NOP2: variants seen among roughly 807,000 people sequenced by gnomAD.
The protein encoded by NOP2 is 28S rRNA (cytosine(4447)-C(5))-methyltransferase.
In NOP2, 7 loss-of-function variants were observed where a neutral mutation model predicts 72.7. The ratio of observed to expected loss-of-function variants is 0.10; its 90% confidence interval spans 0.05 to 0.18. NOP2 has a LOEUF of 0.18. Among genes scored for constraint, NOP2 ranks in the 10% least tolerant of loss-of-function variants. NOP2 has a pLI of 1.00. For synonymous variants in NOP2, 387 were observed against 388.0 expected, an observed-to-expected ratio of 1.00 and a Z score of 0.03; for missense variants, 954 against 1,014.7, an observed-to-expected ratio of 0.94 and a Z score of 0.81.
intron 5 of NOP2, among the ~76,000 whole-genome samples, chr12:6,565,779 G>A (rs1947765258): frequency 6.6e-6 from 1 of 152,118 alleles, no homozygotes; most frequent in South Asian, 2.1e-4. Flanking sequence ...CCAGCCAAAA[G>A]GAACAAATTT....
In NOP2 at chr12:6,561,706, G is replaced by A; in HGVS notation, c.1165C>T (p.Leu389=). The A allele has an allele frequency of 6.2e-7, 1 of 1,613,738 alleles. No individual in the cohort carries two copies. Among genetic ancestry groups the A allele is most frequent in the South Asian group, 1.1e-5 (1 of 91,020 alleles). The change falls in exon 11 of 16, where the codon CTG becomes TTG. Residue 389 remains leucine (L), a synonymous_variant. Transcript: ENST00000322166. ...CCTCCAGGGGCACAACACATGTCCA[G>A]GATCCGCTCATGTTCCTGGGGTGCC... ...ALAPQEHERI[L]DMCCAPGGKT...
At position 6,556,885 on chromosome 12, in the gene NOP2, T is replaced by C. The variant is rs1947488298; in HGVS notation, c.*108A>G. On this transcript the variant is annotated 3_prime_UTR_variant, in exon 16 of 16. Coordinates refer to ENST00000322166, the MANE Select transcript of NOP2 (RefSeq NM_001258308.2). ...TACTCAGTGGCCAGAGGTTTTAAAATGTGTATTAAATTTCATGGGTATGCA... is the reference window on the plus strand; with the variant it reads ...TACTCAGTGGCCAGAGGTTTTAAAACGTGTATTAAATTTCATGGGTATGCA... 1.5e-6 allele frequency: 2 copies of C among 1,311,244 alleles called. No homozygotes were observed. The highest frequency in any genetic ancestry group is 1.4e-5 in the South Asian group (1 of 73,844). 81.2% of individuals were successfully genotyped at this position (1,311,244 alleles called of 1,614,324 possible).
In NOP2 at chr12:6,566,551, T is replaced by C; in HGVS notation, c.216A>G (p.Pro72=). The C allele has an allele frequency of 6.2e-7, 1 of 1,613,952 alleles. No individual in the cohort carries two copies. The highest frequency in any genetic ancestry group is 8.5e-7 in the Non-Finnish European group (1 of 1,179,854). The part of the protein sequence containing the change: ...PKTNKSPEAK[P]LPGKLPKGIS... Reference sequence around the variant, plus strand: ...GACCTTTTGGTAGCTTTCCAGGCAATGGTTTGGCCTCAGGAGACTTATTTG... The same window carrying C: ...GACCTTTTGGTAGCTTTCCAGGCAACGGTTTGGCCTCAGGAGACTTATTTG... Residue 72 remains proline (P), a synonymous_variant, in exon 4 of 16, where the codon CCA becomes CCG. Transcript: ENST00000322166.
At position 6,563,119 on chromosome 12, in the gene NOP2, T is replaced by C. The variant is rs777107928; in HGVS notation, c.940A>G (p.Thr314Ala). The C allele has an allele frequency of 6.3e-7, 1 of 1,597,782 alleles. No individual in the cohort carries two copies. The highest frequency in any genetic ancestry group is 1.1e-5 in the South Asian group (1 of 87,968). Residue 314 changes from threonine (T) to alanine (A), a missense_variant, in exon 9 of 16, where the codon ACC becomes GCC. By Grantham distance (58) the Thr-to-Ala change is moderately conservative. Coordinates refer to ENST00000322166, the MANE Select transcript of NOP2 (RefSeq NM_001258308.2). ...CGGCGTCGGGTTTTCAAGGTATTGG[T>C]CCGGAGGGTGACGGGCCGAGGCACC... The part of the protein sequence containing the change: ...NEVPRPVTLR[T>A]NTLKTRRRDL...
rs1947787870 is a variant in NOP2, at chr12:6,566,698, TGA to T, written c.149+77_149+78del. ...CTGCCATTTCCACCATAGGGAAATG[TGA>T]GAGTCTAGAATTAACTCTGTGGTCA... On this transcript the variant is annotated intron_variant, in intron 3 of 15. Transcript: ENST00000322166. The T allele has an allele frequency of 4.5e-5, 72 of 1,583,808 alleles. No individual in the cohort carries two copies. The South Asian group carries it at 6.1e-4, about 13-fold the overall frequency.
chr12:6,565,061 T>C (rs1245827679), intron 5 of NOP2, among the ~76,000 whole-genome samples: 2 of 152,200 alleles, frequency 1.3e-5, no homozygotes, highest in African/African-American at 4.8e-5. Flanking sequence ...ACACTAATTG[T>C]ATAATAACTT....
At position 6,563,296 on chromosome 12, in the gene NOP2, C is replaced by G. The variant is rs199564623; in HGVS notation, c.888+19G>C. Reference sequence around the variant, plus strand: ...GGCGAGAAAAGAAAAGCAAAAGAGGCATTCTGGCAATCCAGTACCTCAGAC... The same window carrying G: ...GGCGAGAAAAGAAAAGCAAAAGAGGGATTCTGGCAATCCAGTACCTCAGAC... On this transcript the variant is annotated intron_variant, in intron 8 of 15. Coordinates refer to ENST00000322166, the MANE Select transcript of NOP2 (RefSeq NM_001258308.2). The G allele has an allele frequency of 6.4e-7, 1 of 1,573,192 alleles. No homozygotes were observed. The highest frequency in any genetic ancestry group is 8.6e-7 in the Non-Finnish European group (1 of 1,158,762).
rs749510325 is a variant in NOP2 at position 6,563,292 on chromosome 12, G to A, written c.888+23C>T. 4.5e-6 allele frequency: 7 copies of A among 1,570,492 alleles called. No individual in the cohort carries two copies. In the South Asian group the frequency reaches 4.7e-5, roughly 10 times the overall value. On this transcript the variant is annotated intron_variant, in intron 8 of 15. Transcript: ENST00000322166. The stretch of plus-strand genomic sequence containing the variant: ...AGGAGGCGAGAAAAGAAAAGCAAAA[G>A]AGGCATTCTGGCAATCCAGTACCTC...
intron 9 of NOP2, among the ~76,000 whole-genome samples, chr12:6,562,265 C>T (rs376197111): frequency 4.1e-4 from 62 of 152,184 alleles, no homozygotes; most frequent in African/African-American, 1.5e-3. Flanking sequence ...GCTGGGATTA[C>T]AGGCGTTGAG....
Position 6,557,038 on chromosome 12 carries a change from C to T in NOP2, c.2394G>A (p.Arg798=), listed in dbSNP as rs760843199. The T allele has an allele frequency of 5.0e-6, 8 of 1,613,980 alleles. No homozygotes were observed. Among genetic ancestry groups the T allele is most frequent in the Middle Eastern group, 1.6e-4 (1 of 6,062 alleles). ...TGTTGCCCCTGGACTGAGATTTCTT[C>T]CTCTTTGCTGGTGGGGGGCGGCTGG... ...IRSSRPPPAK[R]KKSQSRGNSQ... The change falls in exon 16 of 16, where the codon AGG becomes AGA. Residue 798 remains arginine (R), a synonymous_variant. Transcript: ENST00000322166.
chr12:6,561,344 T>G (rs747670994), intron 11 of NOP2, among the ~76,000 whole-genome samples: 16 of 152,260 alleles, frequency 1.1e-4, no homozygotes, highest in Non-Finnish European at 2.1e-4. Context: ...ATAAAAGTTA[T>G]GGCTGCTGAC....
In NOP2 at chr12:6,561,952, A is replaced by G; in HGVS notation, c.998T>C (p.Val333Ala). The G allele has an allele frequency of 6.2e-7, 1 of 1,609,494 alleles. No homozygotes were observed. The highest frequency in any genetic ancestry group is 8.5e-7 in the Non-Finnish European group (1 of 1,177,768). Residue 333 changes from valine (V) to alanine (A), a missense_variant, in exon 10 of 16, where the codon GTT becomes GCT. Around this residue, in one of 3 missense-constraint regions of NOP2, gnomAD observed 498 missense variants for 478.3 expected, o/e 1.04. Coordinates refer to ENST00000322166, the MANE Select transcript of NOP2 (RefSeq NM_001258308.2). ...CCACTTGCCCAGGGGATCCAGGTTA[A>G]CCCCACGATTGATTAGAGCCTGAAA... ...DLAQALINRGVNLDPLGKWSK... is the reference protein window; with the variant it reads ...DLAQALINRGANLDPLGKWSK...
intron 9 of NOP2, among the ~76,000 whole-genome samples, chr12:6,562,744 A>G (rs1419266715): frequency 1.3e-5 from 2 of 152,202 alleles, no homozygotes; most frequent in African/African-American, 4.8e-5. Context: ...AATGAGTTTA[A>G]AATATTGACT....
intron 5 of NOP2, among the ~76,000 whole-genome samples, chr12:6,565,420 C>T (rs1947753249): frequency 6.6e-6 from 1 of 152,052 alleles, no homozygotes; most frequent in Non-Finnish European, 1.5e-5. Context: ...GGCTCACTGC[C>T]ATCTCCGCCT....
chr12:6,563,274 G>A lies in NOP2; in HGVS notation c.888+41C>T, dbSNP rs181631690. 6.2e-5 allele frequency: 96 copies of A among 1,556,976 alleles called. No homozygotes were observed. In the African/African-American group the frequency reaches 9.8e-4, roughly 16 times the overall value. ...TCTTCCTTACACAGCGTAAGGAGGC[G>A]AGAAAAGAAAAGCAAAAGAGGCATT... On this transcript the variant is annotated intron_variant, in intron 8 of 15. Transcript: ENST00000322166.
chr12:6,558,610 CTTTT>C (rs869220261), intron 15 of NOP2, among the ~76,000 whole-genome samples: 2 of 133,900 alleles, frequency 1.5e-5, no homozygotes, highest in Admixed American at 1.5e-4. Context: ...CTTTATTTAT[CTTTT>C]TTTTTTTTTT....
At position 6,566,815 on chromosome 12, in the gene NOP2, G is replaced by C; in HGVS notation, c.111C>G (p.Asp37Glu). The change falls in exon 3 of 16, where the codon GAC becomes GAG. Residue 37 changes from aspartate to glutamate, a missense_variant. Asp to Glu is a conservative substitution (Grantham distance 45). This residue lies in a region of NOP2 where 498 missense variants were observed against 478.3 expected (regional missense o/e 1.04). Coordinates refer to ENST00000322166, the MANE Select transcript of NOP2 (RefSeq NM_001258308.2). ...GACTAGACAGCCTCTTGGAATTTTC[G>C]TCACTTACTGTTTAAAAAAGAAAAA... ...ELVRFLPAVS[D>E]ENSKRLSSRA... 1 of 1,611,730 alleles carries C rather than the reference G, an allele frequency of 6.2e-7. No homozygotes were observed. The highest frequency in any genetic ancestry group is 8.5e-7 in the Non-Finnish European group (1 of 1,178,808).
intron 15 of NOP2, chr12:6,557,923 G>C (rs1947538392): frequency 9.5e-6 from 4 of 419,052 alleles, no homozygotes; most frequent in Admixed American, 4.1e-5. Context: ...CAAGTGGATT[G>C]CTTGAGGCCA....
intron 11 of NOP2, 128 bp downstream of exon 11, chr12:6,561,536 C>T: frequency 8.0e-7 from 1 of 1,255,382 alleles, no homozygotes. Flanking sequence ...GAAACTGGTC[C>T]TCACCACCCT....
Sources: allele counts gnomAD v4.1 joint callset (sites outside exome capture counted in the v4.1 genomes callset), GRCh38; gene constraint gnomAD v4.1.1; regional missense constraint gnomAD v4.1.1; transcripts MANE v1.5; gene names NCBI Gene and HGNC (gene_info 2026-07-23, HGNC 2026-07-21).